Variants in ABCD2 observed in about 807,000 individuals in gnomAD.
The protein encoded by ABCD2 is ATP-binding cassette sub-family D member 2.
A neutral mutation model predicts 70.9 loss-of-function variants in ABCD2; 36 were observed. The observed-to-expected ratio is 0.51, with a 90% CI of 0.39 to 0.67. The LOEUF (loss-of-function observed/expected upper bound fraction) is 0.67. Ranked by LOEUF, ABCD2 falls within the 30% of genes least tolerant of loss-of-function variation. ABCD2 has a pLI of 0.00. For synonymous variants in ABCD2, 304 were observed against 306.9 expected (o/e 0.99, Z 0.10); for missense variants, 729 against 890.2 (o/e 0.82, Z 2.30).
At chr12:39,588,821 T>C (rs1172861939) in intron 6 of ABCD2, among the ~76,000 whole-genome samples, 3 of 150,316 alleles carry the variant, frequency 2.0e-5, no homozygotes, top group Non-Finnish European at 4.4e-5. Flanking sequence ...AATAAAGAAA[T>C]GCTGAGAAAC....
intron 5 of ABCD2, 142 bp downstream of exon 5, chr12:39,603,770 G>A (rs185947931): frequency 1.9e-4 from 96 of 496,896 alleles, no homozygotes; most frequent in Non-Finnish European, 3.1e-4. Flanking sequence ...AACTGCTTCT[G>A]TAATTGAGCC....
chr12:39,605,980 T>C (rs1941964339), intron 3 of ABCD2, among the ~76,000 whole-genome samples: 1 of 152,214 alleles, frequency 6.6e-6, no homozygotes, highest in Non-Finnish European at 1.5e-5. Context: ...TATGTTAATG[T>C]TATAGCTATT....
chr12:39,613,867 A>G (rs1358497159), intron 2 of ABCD2, among the ~76,000 whole-genome samples: 1 of 152,226 alleles, frequency 6.6e-6, no homozygotes, highest in East Asian at 1.9e-4. Context: ...GATTTCACTT[A>G]AAGTTTTAGG....
chr12:39,553,004 G>C lies in ABCD2; in HGVS notation c.*908C>G, dbSNP rs1941110081. 1.3e-5 allele frequency: 2 copies of C among 151,796 alleles called. No homozygotes were observed. The highest frequency in any genetic ancestry group is 4.2e-4 in the South Asian group (2 of 4,818). 9.4% of individuals were successfully genotyped at this position (151,796 alleles called of 1,614,324 possible). On this transcript the variant is annotated 3_prime_UTR_variant, in exon 10 of 10. Coordinates refer to ENST00000308666, the MANE Select transcript of ABCD2 (RefSeq NM_005164.4). The stretch of plus-strand genomic sequence containing the variant: ...CATTAAGGTGAAATGATGTAAATGG[G>C]GATTGTAAATTATAAAGTACTATTC...
chr12:39,534,451 T>C, the ABCD2 span, among the ~76,000 whole-genome samples: 2 of 152,102 alleles, frequency 1.3e-5, no homozygotes, highest in South Asian at 2.1e-4. Context: ...ACCAGCTTCA[T>C]AGAGTTTTTG....
intron 2 of ABCD2, among the ~76,000 whole-genome samples, chr12:39,609,350 G>A (rs750378625): frequency 6.6e-6 from 1 of 152,210 alleles, no homozygotes; most frequent in Non-Finnish European, 1.5e-5. Flanking sequence ...CCTGTAAAAT[G>A]AGGTACATAA....
intron 6 of ABCD2, among the ~76,000 whole-genome samples, chr12:39,599,374 A>G (rs1941864905): frequency 6.6e-6 from 1 of 152,246 alleles, no homozygotes; most frequent in Non-Finnish European, 1.5e-5. Context: ...TCAACCTACT[A>G]AACACATTAA....
intron 9 of ABCD2, among the ~76,000 whole-genome samples, chr12:39,571,535 G>A (rs1051420593): frequency 3.3e-5 from 5 of 152,174 alleles, no homozygotes; most frequent in South Asian, 2.1e-4. Flanking sequence ...CACCACCTTC[G>A]ATGTATAATG....
the ABCD2 span, among the ~76,000 whole-genome samples, chr12:39,536,007 C>T: frequency 6.6e-6 from 1 of 152,094 alleles, no homozygotes; most frequent in Non-Finnish European, 1.5e-5. Context: ...CCGGAAATCA[C>T]TTGAACCTGG....
intron 1 of ABCD2, among the ~76,000 whole-genome samples, chr12:39,617,680 T>G (rs1003641104): frequency 5.3e-5 from 8 of 152,194 alleles, no homozygotes; most frequent in Non-Finnish European, 1.2e-4. Context: ...AATTTTCAAG[T>G]GGGAGTAGGA....
At chr12:39,571,209 C>G in intron 9 of ABCD2, among the ~76,000 whole-genome samples, 1 of 152,112 alleles carries the variant, frequency 6.6e-6, no homozygotes, top group South Asian at 2.1e-4. Context: ...ATCCAGCAAT[C>G]CCCCACTGGG....
At position 39,619,469 on chromosome 12, in the gene ABCD2, G is replaced by A; in HGVS notation, c.147C>T (p.His49=). Residue 49 remains histidine, a synonymous_variant, in exon 1 of 10, where the codon CAC becomes CAT. Transcript: ENST00000308666. ...IIGKRLKQSG[H]GKKKAAAYPA... is the part of the protein sequence containing the mutation. ...GGTAAGCTGCTGCTTTTTTCTTCCC[G>A]TGGCCAGATTGCTTTAAACGCTTGC... 1 of 1,613,724 alleles carries A rather than the reference G, an allele frequency of 6.2e-7. No homozygotes were observed. Among genetic ancestry groups the A allele is most frequent in the Non-Finnish European group, 8.5e-7 (1 of 1,180,016 alleles).
Position 39,614,289 on chromosome 12 carries a change from C to T in ABCD2, c.1120+2699G>A, listed in dbSNP as rs1295399255. Among the ~76,000 whole-genome samples, 3 of 152,130 alleles carry T rather than the reference C, an allele frequency of 2.0e-5. No individual in the cohort carries two copies. The East Asian group carries it at 5.8e-4, about 29-fold the overall frequency. On this transcript the variant is annotated intron_variant, in intron 2 of 9. Coordinates refer to ENST00000308666, the MANE Select transcript of ABCD2 (RefSeq NM_005164.4). ...GCTTCTACCTAGGTTCTTACTTAGC[C>T]AAGGACTGTTTCAAAACACATTAAG...
chr12:39,584,896 C>T (rs1054307705), intron 7 of ABCD2, among the ~76,000 whole-genome samples: 18 of 152,092 alleles, frequency 1.2e-4, no homozygotes, highest in African/African-American at 4.3e-4. Context: ...TTTGTAACAG[C>T]ACTATGCTGT....
rs1016071544 is a variant in ABCD2 at position 39,551,599 on chromosome 12, G to A, written c.*2313C>T. On this transcript the variant is annotated 3_prime_UTR_variant, in exon 10 of 10. Coordinates refer to ENST00000308666, the MANE Select transcript of ABCD2 (RefSeq NM_005164.4). ...AAAAATAAATTCAGAAAACAAATAG[G>A]CACAAAAAGCTCATGGAAAACATGT... 5 of 151,566 alleles carry A rather than the reference G, an allele frequency of 3.3e-5. No homozygotes were observed. The highest frequency in any genetic ancestry group is 9.7e-5 in the African/African-American group (4 of 41,356). The allele number at this position is 151,566 out of a possible 1,614,324, so 9.4% of individuals were successfully genotyped here.
chr12:39,547,901 T>C (rs185021223), downstream of ABCD2, among the ~76,000 whole-genome samples: 8 of 151,982 alleles, frequency 5.3e-5, no homozygotes, highest in East Asian at 1.2e-3. Flanking sequence ...TGTGTGTATA[T>C]GTGTATGTGC....
At position 39,573,726 on chromosome 12, in the gene ABCD2, G is replaced by A. The variant is rs190980733; in HGVS notation, c.1993C>T (p.Pro665Ser). 2.5e-6 allele frequency: 4 copies of A among 1,609,940 alleles called. No homozygotes were observed. Among genetic ancestry groups the A allele is most frequent in the South Asian group, 2.2e-5 (2 of 90,132 alleles). Residue 665 changes from proline (P) to serine (S), a missense_variant, in exon 9 of 10, where the codon CCT becomes TCT. Pro to Ser is a moderately conservative substitution (Grantham distance 74). Transcript: ENST00000308666. ...ACTAGAAACACTTACCAAAGAGAAG[G>A]TCTGTGTGTTATAGACAGTAAGGAA... is the stretch of plus-strand genomic sequence containing the variant. Reference protein sequence around the residue: ...GISLLSITHRPSLWKYHTHLL... With the variant: ...GISLLSITHRSSLWKYHTHLL...
intron 7 of ABCD2, among the ~76,000 whole-genome samples, chr12:39,585,064 T>C (rs1941647376): frequency 6.6e-6 from 1 of 152,190 alleles, no homozygotes; most frequent in African/African-American, 2.4e-5. Flanking sequence ...AAGAATGTCA[T>C]TGGTAGTTTG....
chr12:39,567,945 A>G (rs1440392185), intron 9 of ABCD2, among the ~76,000 whole-genome samples: 1 of 151,984 alleles, frequency 6.6e-6, no homozygotes, highest in Non-Finnish European at 1.5e-5. Context: ...AGAATGTTGA[A>G]TATTGGCCCC....
Sources: allele counts gnomAD v4.1 joint callset (sites outside exome capture counted in the v4.1 genomes callset), GRCh38; gene constraint gnomAD v4.1.1; transcripts MANE v1.5; gene names NCBI Gene and HGNC (gene_info 2026-07-23, HGNC 2026-07-21).